Variants in RSRC1 observed in about 807,000 individuals in gnomAD.
RSRC1 encodes arginine and serine rich coiled-coil 1, also known as serine/Arginine-related protein 53.
Under a neutral mutation model 49.1 loss-of-function variants are expected in RSRC1, and 39 were observed. The ratio of observed to expected loss-of-function variants is 0.79; its 90% CI spans 0.61 to 1.04. The LOEUF (loss-of-function observed/expected upper bound fraction) is 1.04, where lower values mean the gene tolerates loss of function less well. Ranked by LOEUF, RSRC1 falls within the 50% of genes least tolerant of loss-of-function variation. The probability of loss-of-function intolerance (pLI) is 0.00; values close to 1 mark genes in which losing one functional copy is unlikely to be tolerated. For synonymous variants in RSRC1, 143 were observed against 130.8 expected (o/e 1.09, Z -0.63); for missense variants, 388 against 402.4 (o/e 0.96, Z 0.31).
At chr3:158,347,539 C>T (rs1053764755) in intron 5 of RSRC1, among the ~76,000 whole-genome samples, 1 of 152,064 alleles carries the variant, frequency 6.6e-6, no homozygotes, top group African/African-American at 2.4e-5. Context: ...AATCTTAAAT[C>T]TGATCTTAAT....
At chr3:158,124,299 G>A (rs183998897) in intron 3 of RSRC1, among the ~76,000 whole-genome samples, 54 of 152,158 alleles carry the variant, frequency 3.5e-4, no homozygotes, top group African/African-American at 1.3e-3. Context: ...GTGGTAGCAC[G>A]TGCGTTCCCC....
At chr3:158,348,357 A>T (rs1031249257) in intron 5 of RSRC1, among the ~76,000 whole-genome samples, 16 of 152,198 alleles carry the variant, frequency 1.1e-4, no homozygotes, top group African/African-American at 3.6e-4. Context: ...TCATTAATAT[A>T]CACTCATGGG....
chr3:158,251,348 T>G (rs1248560541), intron 4 of RSRC1, among the ~76,000 whole-genome samples: 3 of 152,142 alleles, frequency 2.0e-5, no homozygotes, highest in African/African-American at 7.2e-5. Flanking sequence ...TTCTATTTCT[T>G]CAAAAAATTT....
chr3:158,258,158 C>G (rs1730055), intron 4 of RSRC1, among the ~76,000 whole-genome samples: 1 of 126,932 alleles, frequency 7.9e-6, no homozygotes, highest in Non-Finnish European at 1.6e-5. Context: ...CAGATGATTT[C>G]TTATGCTCAT....
chr3:158,116,200 G>T (rs1177553591), intron 1 of RSRC1, among the ~76,000 whole-genome samples: 2 of 152,104 alleles, frequency 1.3e-5, no homozygotes, highest in Admixed American at 1.3e-4. Flanking sequence ...TTGCAAGCTT[G>T]AATTTTATCA....
intron 4 of RSRC1, among the ~76,000 whole-genome samples, chr3:158,278,618 T>A (rs954304686): frequency 6.6e-6 from 1 of 152,208 alleles, no homozygotes; most frequent in Non-Finnish European, 1.5e-5. Flanking sequence ...TCACTGGACA[T>A]GTTGATGATA....
intron 7 of RSRC1, among the ~76,000 whole-genome samples, chr3:158,514,893 A>G (rs1025329780): frequency 3.3e-5 from 5 of 151,580 alleles, no homozygotes; most frequent in African/African-American, 7.3e-5. Context: ...GTCTCTTTTG[A>G]TCTTTGTTGG....
chr3:158,247,661 T>C (rs1723979581), intron 4 of RSRC1, among the ~76,000 whole-genome samples: 1 of 152,226 alleles, frequency 6.6e-6, no homozygotes, highest in South Asian at 2.1e-4. Context: ...TGCTGTGGTC[T>C]GCAGGGGATC....
At chr3:158,470,632 T>A (rs1159163862) in intron 7 of RSRC1, among the ~76,000 whole-genome samples, 2 of 152,138 alleles carry the variant, frequency 1.3e-5, no homozygotes, top group East Asian at 3.9e-4. Context: ...GAAAATGGTT[T>A]ATGTAAACCT....
At chr3:158,225,728 C>A (rs1322771429) in intron 4 of RSRC1, 6 of 450,378 alleles carry the variant, frequency 1.3e-5, no homozygotes, top group African/African-American at 6.1e-5. Flanking sequence ...TTAGGAAGAC[C>A]AAATTGTGAG....
At chr3:158,262,754 A>G (rs1407395740) in intron 4 of RSRC1, among the ~76,000 whole-genome samples, 1 of 152,032 alleles carries the variant, frequency 6.6e-6, no homozygotes, top group Non-Finnish European at 1.5e-5. Flanking sequence ...ATTTTGTAGC[A>G]TATACTTTAG....
intron 3 of RSRC1, among the ~76,000 whole-genome samples, chr3:158,161,781 CATAAA>C (rs1234094558): frequency 6.6e-6 from 1 of 151,840 alleles, no homozygotes; most frequent in Admixed American, 6.6e-5. Context: ...TACATACATA[CATAAA>C]ATAAAATGTG....
intron 4 of RSRC1, among the ~76,000 whole-genome samples, chr3:158,210,920 A>ATGT (rs1721637895): frequency 6.6e-6 from 1 of 152,054 alleles, no homozygotes; most frequent in Non-Finnish European, 1.5e-5. Flanking sequence ...AACGTCTTAA[A>ATGT]TGGCATGAAT....
intron 3 of RSRC1, among the ~76,000 whole-genome samples, chr3:158,137,360 T>G (rs1369664323): frequency 2.0e-5 from 3 of 151,436 alleles, no homozygotes; most frequent in Non-Finnish European, 4.4e-5. Flanking sequence ...TGATTAATAT[T>G]GAATAAAAGG....
chr3:158,316,102 G>GTC (rs1443230552), intron 5 of RSRC1, among the ~76,000 whole-genome samples: 4 of 151,924 alleles, frequency 2.6e-5, no homozygotes, highest in African/African-American at 9.7e-5. Context: ...AACCCAGGAG[G>GTC]TGGAGGTTGC....
At chr3:158,179,414 G>GAA (rs1368666659) in intron 3 of RSRC1, among the ~76,000 whole-genome samples, 2 of 152,062 alleles carry the variant, frequency 1.3e-5, no homozygotes, top group African/African-American at 4.8e-5. Flanking sequence ...GACCCCCTTT[G>GAA]AAAGAAAAGA....
intron 3 of RSRC1, among the ~76,000 whole-genome samples, chr3:158,161,303 G>C (rs1043515597): frequency 6.6e-6 from 1 of 152,024 alleles, no homozygotes. Flanking sequence ...ATCCTCCTTG[G>C]ATCAGCCCCT....
At chr3:158,368,888 C>T (rs1348916228) in intron 6 of RSRC1, among the ~76,000 whole-genome samples, 1 of 151,878 alleles carries the variant, frequency 6.6e-6, no homozygotes, top group Non-Finnish European at 1.5e-5. Flanking sequence ...AGTAAAATAA[C>T]ATTATGTAAA....
At chr3:158,376,068 C>A (rs1732344970) in intron 6 of RSRC1, among the ~76,000 whole-genome samples, 1 of 150,388 alleles carries the variant, frequency 6.6e-6, no homozygotes, top group Non-Finnish European at 1.5e-5. Context: ...CCCTCCCTCC[C>A]TCCCTCTCGA....
Sources: allele counts gnomAD v4.1 joint callset (sites outside exome capture counted in the v4.1 genomes callset), GRCh38; gene constraint gnomAD v4.1.1; transcripts MANE v1.5; gene names NCBI Gene and HGNC (gene_info 2026-07-23, HGNC 2026-07-21).